The following MAPK8 variants were observed in gnomAD, a reference collection of about 807,000 sequenced individuals.
MAPK8 encodes mitogen-activated protein kinase 8.
In MAPK8, 13 loss-of-function variants were observed where a neutral mutation model predicts 52.9. That is an observed-to-expected ratio of 0.25 (90% confidence interval 0.16 to 0.39). The LOEUF (loss-of-function observed/expected upper bound fraction) is 0.39, where lower values mean the gene tolerates loss of function less well. Ranked by LOEUF, MAPK8 falls within the 10% of genes least tolerant of loss-of-function variation. The pLI, the probability that MAPK8 is intolerant of heterozygous loss-of-function variation, is 1.00. For missense variants in MAPK8, 300 were observed against 519.2 expected, an observed-to-expected ratio of 0.58 and a Z score of 4.10; for synonymous variants, 191 against 169.8, an observed-to-expected ratio of 1.12 and a Z score of -0.97.
intron 5 of MAPK8, among the ~76,000 whole-genome samples, chr10:48,411,183 C>A (rs1470563150): frequency 6.6e-6 from 1 of 152,146 alleles, no homozygotes; most frequent in Non-Finnish European, 1.5e-5. Context: ...GTATAAGAAT[C>A]CATTGTCAAA....
intron 1 of MAPK8, among the ~76,000 whole-genome samples, chr10:48,380,595 G>C (rs183176207): frequency 6.6e-6 from 1 of 151,978 alleles, no homozygotes; most frequent in Non-Finnish European, 1.5e-5. Context: ...TTAGCCGGGC[G>C]TGGTGGCATG....
intron 1 of MAPK8, among the ~76,000 whole-genome samples, chr10:48,330,024 G>A (rs564970381): frequency 1.3e-5 from 2 of 152,238 alleles, no homozygotes; most frequent in South Asian, 2.1e-4. Flanking sequence ...ATATTTTGGT[G>A]TACTTCTTTT....
chr10:48,433,329 T>C (rs548235951), intron 11 of MAPK8, among the ~76,000 whole-genome samples: 1 of 152,330 alleles, frequency 6.6e-6, no homozygotes, highest in Admixed American at 6.5e-5. Context: ...AAAAATTGTA[T>C]ATGTTGGAGC....
At position 48,424,132 on chromosome 10, in the gene MAPK8, C is replaced by T; in HGVS notation, c.661C>T (p.His221Tyr). Residue 221 changes from histidine (H) to tyrosine (Y), a missense_variant, in exon 7 of 12, where the codon CAC (histidine) becomes TAC (tyrosine). Coordinates refer to ENST00000374189, the MANE Select transcript of MAPK8 (RefSeq NM_001323329.2). ...VGCIMGEMVC[H>Y]KILFPGRDYI... is the part of the protein sequence containing the mutation. Reference sequence around the variant, plus strand: ...GTGCATTATGGGAGAAATGGTTTGCCACAAAATCCTCTTTCCAGGAAGGGA... The same window carrying T: ...GTGCATTATGGGAGAAATGGTTTGCTACAAAATCCTCTTTCCAGGAAGGGA... The T allele has an allele frequency of 6.2e-7, 1 of 1,612,652 alleles. No individual in the cohort carries two copies. Among genetic ancestry groups the T allele is most frequent in the Admixed American group, 1.7e-5 (1 of 59,930 alleles).
intron 1 of MAPK8, chr10:48,326,013 C>T (rs1330892611): frequency 6.6e-6 from 1 of 152,152 alleles, no homozygotes; most frequent in African/African-American, 2.4e-5. Flanking sequence ...CTTTGATCAC[C>T]TGGCTGAGGT....
chr10:48,432,679 T>A (rs546902454), intron 11 of MAPK8, among the ~76,000 whole-genome samples: 1 of 152,348 alleles, frequency 6.6e-6, no homozygotes, highest in Admixed American at 6.5e-5. Flanking sequence ...GTGGCACAGC[T>A]GGAGTGCCAG....
At chr10:48,359,800 G>A (rs1184702387) in intron 1 of MAPK8, among the ~76,000 whole-genome samples, 1 of 152,154 alleles carries the variant, frequency 6.6e-6, no homozygotes, top group Non-Finnish European at 1.5e-5. Flanking sequence ...GCCAACAACT[G>A]TATAAAGCTT....
chr10:48,413,225 CTT>C lies in MAPK8; in HGVS notation c.450+3060_450+3061del, dbSNP rs372706497. ...AATTGGGTTGGTTCCACATTTAGCT[CTT>C]TTGAAAAATGCTGCTATGAACATGG... is the stretch of plus-strand genomic sequence containing the variant. On this transcript the variant is annotated intron_variant, in intron 5 of 11. Coordinates refer to ENST00000374189, the MANE Select transcript of MAPK8 (RefSeq NM_001323329.2). Among the ~76,000 whole-genome samples the C allele has an allele frequency of 8.2e-3, 1,245 of 152,148 alleles. 18 individuals carry two copies. The highest frequency in any genetic ancestry group is 0.028 in the African/African-American group (1,175 of 41,498).
In MAPK8 at chr10:48,386,456, G is replaced by C. The variant is rs1167192207; in HGVS notation, c.-49-15156G>C. 3.3e-5 allele frequency among the ~76,000 whole-genome samples: 5 copies of C among 152,166 alleles called. No individual in the cohort carries two copies. In the South Asian group the frequency reaches 1.0e-3, roughly 32 times the overall value. ...ACAAAGTAGATGACCTATTTATTCA[G>C]TTGAATGTCCTTGTGAAAATTGACG... On this transcript the variant is annotated intron_variant, in intron 1 of 11. Coordinates refer to ENST00000374189, the MANE Select transcript of MAPK8 (RefSeq NM_001323329.2).
rs1564604018 is a variant in MAPK8, at chr10:48,413,849, AT to A, written c.450+3682del. Among the ~76,000 whole-genome samples, 6 of 120,340 alleles carry A rather than the reference AT, an allele frequency of 5.0e-5. No individual in the cohort carries two copies. In the South Asian group the frequency reaches 8.4e-4, roughly 17 times the overall value. 78.9% of individuals were successfully genotyped at this position (120,340 alleles called of 152,430 possible). A position where few individuals can be genotyped will look rare whatever the true frequency, so the allele number is the denominator to read the frequency against. On this transcript the variant is annotated intron_variant, in intron 5 of 11. Coordinates refer to ENST00000374189, the MANE Select transcript of MAPK8 (RefSeq NM_001323329.2). ...TATATATATATATATATATATATAT[AT>A]ATATATATATTCAGAAATATTTTAT...
At chr10:48,367,408 T>C (rs2132591897) in intron 1 of MAPK8, among the ~76,000 whole-genome samples, 1 of 151,012 alleles carries the variant, frequency 6.6e-6, no homozygotes, top group East Asian at 1.9e-4. Context: ...TAAATACATA[T>C]ATATGTTTAC....
At position 48,436,109 on chromosome 10, in the gene MAPK8, A is replaced by T. The variant is rs1017925898; in HGVS notation, c.*1080A>T. ...GAGCTATTGGGAGGTTCCAAACCCT[A>T]CCTAGATTTGTGTAGGTGATGTATC... On this transcript the variant is annotated 3_prime_UTR_variant, in exon 12 of 12. Transcript: ENST00000374189. 1 of 152,184 alleles carries T rather than the reference A, an allele frequency of 6.6e-6. No individual in the cohort carries two copies. Among genetic ancestry groups the T allele is most frequent in the Non-Finnish European group, 1.5e-5 (1 of 68,042 alleles). 9.4% of individuals were successfully genotyped at this position (152,184 alleles called of 1,614,324 possible).
chr10:48,346,839 TCTCCTCTCCCTCTCTGC>T (rs1845833884), intron 1 of MAPK8, among the ~76,000 whole-genome samples: 1 of 152,114 alleles, frequency 6.6e-6, no homozygotes, highest in South Asian at 2.1e-4. Context: ...TCCCTCTCTG[TCTCCTCTCCCTCTCTGC>T]CTCAGCTGCC....
intron 1 of MAPK8, among the ~76,000 whole-genome samples, chr10:48,353,821 A>G (rs549093027): frequency 1.3e-5 from 2 of 152,226 alleles, no homozygotes; most frequent in Admixed American, 1.3e-4. Flanking sequence ...TGACAAAATT[A>G]TAGACATGGA....
intron 1 of MAPK8, among the ~76,000 whole-genome samples, chr10:48,346,369 G>A (rs1266569873): frequency 1.3e-5 from 2 of 152,232 alleles, no homozygotes; most frequent in Non-Finnish European, 1.5e-5. Context: ...GACATAGTGA[G>A]GTGTGACCAG....
intron 1 of MAPK8, among the ~76,000 whole-genome samples, chr10:48,317,395 C>T (rs1842606797): frequency 1.1e-5 from 1 of 92,342 alleles, no homozygotes; most frequent in South Asian, 3.3e-4. Flanking sequence ...AAACTCCTGG[C>T]CTCGTGATCT....
intron 10 of MAPK8, among the ~76,000 whole-genome samples, chr10:48,427,818 T>C (rs1204179193): frequency 2.0e-5 from 3 of 152,226 alleles, no homozygotes; most frequent in Non-Finnish European, 1.5e-5. Flanking sequence ...GTTATTCTCT[T>C]TTAGTTCACG....
chr10:48,376,900 A>G (rs1415813469), intron 1 of MAPK8, among the ~76,000 whole-genome samples: 1 of 152,206 alleles, frequency 6.6e-6, no homozygotes, highest in African/African-American at 2.4e-5. Context: ...TCATTCTACT[A>G]TAAAGACACA....
chr10:48,420,328 C>G lies in MAPK8; in HGVS notation c.616+8C>G. 1 of 1,565,166 alleles carries G rather than the reference C, an allele frequency of 6.4e-7. No individual in the cohort carries two copies. Among genetic ancestry groups the G allele is most frequent in the Non-Finnish European group, 8.7e-7 (1 of 1,152,930 alleles). ...TGGGCTACAAGGAAAACGGTCAGCA[C>G]ACACATTTATTTGAAATATTTTTCT... On this transcript the variant is annotated splice_region_variant and intron_variant, in intron 6 of 11. Coordinates refer to ENST00000374189, the MANE Select transcript of MAPK8 (RefSeq NM_001323329.2).
Sources: gnomAD v4.1 joint callset for allele counts (sites outside exome capture counted in the v4.1 genomes callset) on GRCh38, gnomAD v4.1.1 for gene constraint, MANE v1.5 for transcripts, NCBI Gene and HGNC (gene_info 2026-07-23, HGNC 2026-07-21) for gene names.